The following NASP variants were observed in gnomAD, a reference collection of about 807,000 sequenced individuals.
NASP encodes nuclear autoantigenic sperm protein.
In NASP, 24 loss-of-function variants were observed where a neutral mutation model predicts 89.5. That is an observed-to-expected ratio of 0.27 (90% CI 0.19 to 0.38). NASP has a LOEUF of 0.38. Ranked by LOEUF, NASP falls within the 10% of genes least tolerant of loss-of-function variation. NASP has a pLI of 1.00. For missense variants in NASP, 848 were observed against 921.4 expected (o/e 0.92, Z 1.03); for synonymous variants, 306 against 324.7 (o/e 0.94, Z 0.62).
chr1:45,614,494 A>G, intron 9 of NASP, 128 bp downstream of exon 9: 1 of 730,800 alleles, frequency 1.4e-6, no homozygotes, highest in Middle Eastern at 2.4e-4. Flanking sequence ...CCCTGGAACA[A>G]TGAACAGTCT....
At chr1:45,606,299 C>T (rs1037224165) in intron 4 of NASP, among the ~76,000 whole-genome samples, 183 bp from the exon 5 acceptor site, 2 of 152,160 alleles carry the variant, frequency 1.3e-5, no homozygotes, top group Non-Finnish European at 2.9e-5. Flanking sequence ...CTTCAGTGCT[C>T]TTGCAGTCTT....
intron 13 of NASP, chr1:45,617,262 G>T (rs1027218469): frequency 1.3e-5 from 7 of 544,314 alleles, no homozygotes; most frequent in Non-Finnish European, 2.2e-5. Context: ...CGGTAGAGGG[G>T]CCTGAAGTGA....
At chr1:45,586,598 A>G (rs1473391945) in intron 1 of NASP, among the ~76,000 whole-genome samples, 5 of 151,728 alleles carry the variant, frequency 3.3e-5, no homozygotes, top group Non-Finnish European at 7.4e-5. Context: ...TAGTATTTTC[A>G]TTTTCATTTT....
At chr1:45,591,122 C>G (rs917857701) in intron 1 of NASP, 101 bp from the exon 2 acceptor site, 1 of 653,456 alleles carries the variant, frequency 1.5e-6, no homozygotes. Context: ...TAATAAATGA[C>G]AGCTCTTTTA....
At chr1:45,617,366 C>CA in intron 13 of NASP, 97 bp from the exon 14 acceptor site, 2 of 1,407,532 alleles carry the variant, frequency 1.4e-6, no homozygotes, top group Admixed American at 4.1e-5. Flanking sequence ...TCCTGATGTT[C>CA]AGGATCTTTG....
At chr1:45,585,274 C>T (rs1374053500) in intron 1 of NASP, among the ~76,000 whole-genome samples, 2 of 151,694 alleles carry the variant, frequency 1.3e-5, no homozygotes, top group Admixed American at 6.6e-5. Context: ...TTTTTCTAAT[C>T]TTGTGCGCTT....
chr1:45,613,906 A>G (rs1233332091), intron 7 of NASP, among the ~76,000 whole-genome samples, 190 bp from the exon 8 acceptor site: 1 of 72,050 alleles, frequency 1.4e-5, no homozygotes, highest in Non-Finnish European at 3.0e-5. Context: ...ATGTGAGCCA[A>G]CATTTCACTG....
Position 45,618,814 on chromosome 1 carries a change from T to C in NASP, c.*673T>C, listed in dbSNP as rs1644154939. 6.6e-6 allele frequency: 1 copy of C among 152,230 alleles called. No homozygotes were observed. Among genetic ancestry groups the C allele is most frequent in the Non-Finnish European group, 1.5e-5 (1 of 68,064 alleles). The allele number at this position is 152,230 out of a possible 1,614,324, so 9.4% of individuals were successfully genotyped here. On this transcript the variant is annotated 3_prime_UTR_variant, in exon 15 of 15. Transcript: ENST00000350030. ...TGGTTGAGTTTTGTTATTTTCTGTA[T>C]AGAAAGGTTGAGATATATCAACACT...
chr1:45,587,842 G>A (rs1190731982), intron 1 of NASP, among the ~76,000 whole-genome samples: 1 of 150,676 alleles, frequency 6.6e-6, no homozygotes, highest in Admixed American at 6.6e-5. Context: ...AAAATTAGCC[G>A]AGCATGGGTA....
intron 3 of NASP, 146 bp downstream of exon 3, chr1:45,602,511 A>C (rs1391917153): frequency 9.2e-6 from 7 of 764,554 alleles, no homozygotes; most frequent in Non-Finnish European, 1.4e-5. Context: ...CAGTAACTAT[A>C]AGTGTAAAAC....
chr1:45,603,534 T>G (rs1436184723), intron 3 of NASP, among the ~76,000 whole-genome samples: 5 of 152,118 alleles, frequency 3.3e-5, no homozygotes, highest in African/African-American at 9.7e-5. Context: ...CCTGTCCTCT[T>G]TGTTCCTCTC....
intron 1 of NASP, among the ~76,000 whole-genome samples, chr1:45,586,828 A>G (rs1272294273): frequency 6.6e-6 from 1 of 152,112 alleles, no homozygotes; most frequent in Non-Finnish European, 1.5e-5. Flanking sequence ...ACCAGTAGAA[A>G]GAAAAAAAAT....
intron 2 of NASP, among the ~76,000 whole-genome samples, chr1:45,598,293 C>T (rs1421133042): frequency 1.3e-5 from 2 of 152,026 alleles, no homozygotes; most frequent in Non-Finnish European, 2.9e-5. Context: ...GCCTCAGCCT[C>T]CCAAATAGCT....
At chr1:45,589,479 A>T (rs575681545) in intron 1 of NASP, among the ~76,000 whole-genome samples, 1 of 152,290 alleles carries the variant, frequency 6.6e-6, no homozygotes, top group South Asian at 2.1e-4. Context: ...TAATTTCCCT[A>T]TCATTTCCTC....
At chr1:45,612,477 T>C (rs1049504265) in intron 6 of NASP, 3 of 152,222 alleles carry the variant, frequency 2.0e-5, no homozygotes, top group African/African-American at 7.2e-5. Flanking sequence ...GAGCCTGACC[T>C]TTAGATGGTT....
intron 6 of NASP, among the ~76,000 whole-genome samples, chr1:45,608,961 C>G (rs60916630): frequency 2.0e-5 from 3 of 152,114 alleles, no homozygotes; most frequent in Admixed American, 2.0e-4. Flanking sequence ...AGGCCCCCCC[C>G]ACCTTCCCCA....
At chr1:45,585,144 C>G (rs780067340) in intron 1 of NASP, among the ~76,000 whole-genome samples, 19 of 152,330 alleles carry the variant, frequency 1.2e-4, no homozygotes, top group Non-Finnish European at 1.8e-4. Context: ...CAGGCGTAAT[C>G]TGTTTTTTGA....
chr1:45,609,137 A>T (rs1372180131), intron 6 of NASP, among the ~76,000 whole-genome samples: 1 of 152,198 alleles, frequency 6.6e-6, no homozygotes, highest in African/African-American at 2.4e-5. Flanking sequence ...AAGGTGTATA[A>T]GCCTCTAATT....
rs376613072 is a variant in NASP at position 45,590,715 on chromosome 1, T to C, written c.60-508T>C. On this transcript the variant is annotated intron_variant, in intron 1 of 14. Transcript: ENST00000350030. ...TTTTTTTTTTTTTTGAGACGGAGTC[T>C]CGCTGTGATATCTCCCTGACATTGT... 1.4e-4 allele frequency among the ~76,000 whole-genome samples: 20 copies of C among 142,214 alleles called. No homozygotes were observed. In the East Asian group the frequency reaches 4.1e-3, roughly 29 times the overall value. The allele number at this position is 142,214 out of a possible 152,430, so 93.3% of individuals were successfully genotyped here. A position where few individuals can be genotyped will look rare whatever the true frequency, so the allele number is the denominator to read the frequency against.
Sources: gnomAD v4.1 joint callset for allele counts (sites outside exome capture counted in the v4.1 genomes callset) on GRCh38, gnomAD v4.1.1 for gene constraint, MANE v1.5 for transcripts, NCBI Gene and HGNC (gene_info 2026-07-23, HGNC 2026-07-21) for gene names.